The following ADAM32 variants were observed in gnomAD, a reference collection of about 807,000 sequenced individuals.
The protein encoded by ADAM32 is disintegrin and metalloproteinase domain-containing protein 32.
ADAM32 carries 89 observed loss-of-function variants against 114.9 expected under a neutral mutation model. The observed-to-expected ratio is 0.77, with a 90% CI of 0.65 to 0.92. The LOEUF is 0.92. Ranked by LOEUF, ADAM32 falls within the 40% of genes least tolerant of loss-of-function variation. ADAM32 has a pLI of 0.00. For missense variants in ADAM32, 870 were observed against 932.8 expected, an observed-to-expected ratio of 0.93 and a Z score of 0.88; for synonymous variants, 285 against 307.5, an observed-to-expected ratio of 0.93 and a Z score of 0.77.
At chr8:39,234,665 G>A (rs961700364) in intron 16 of ADAM32, among the ~76,000 whole-genome samples, 3 of 152,152 alleles carry the variant, frequency 2.0e-5, no homozygotes, top group Admixed American at 6.5e-5. Context: ...ATACAGTTTG[G>A]CTATTATTGC....
At chr8:39,111,784 TG>T (rs1840173309) in intron 1 of ADAM32, among the ~76,000 whole-genome samples, 1 of 148,494 alleles carries the variant, frequency 6.7e-6, no homozygotes, top group African/African-American at 2.5e-5. Flanking sequence ...TGACATCCGA[TG>T]GAGTGGCAGT....
At chr8:39,165,822 C>T (rs1173659747) in intron 9 of ADAM32, 4 of 152,016 alleles carry the variant, frequency 2.6e-5, no homozygotes, top group Admixed American at 2.6e-4. Flanking sequence ...TCTCTGCCAG[C>T]CATAAATGTT....
At position 39,110,357 on chromosome 8, in the gene ADAM32, C is replaced by T. The variant is rs770324938; in HGVS notation, c.58+2524C>T. 5.7e-4 allele frequency among the ~76,000 whole-genome samples: 86 copies of T among 152,202 alleles called. 1 individual carries two copies. Among genetic ancestry groups the T allele is most frequent in the Non-Finnish European group, 6.3e-4 (43 of 68,044 alleles). On this transcript the variant is annotated intron_variant, in intron 1 of 24. Coordinates refer to ENST00000379907, the MANE Select transcript of ADAM32 (RefSeq NM_145004.7). ...AAGTGCTAGGATTACAGGCATGAGC[C>T]GCTGCACCCGGCCGCTTTTTTATTT... is the stretch of plus-strand genomic sequence containing the variant.
chr8:39,268,863 C>A (rs1262868087), intron 19 of ADAM32, among the ~76,000 whole-genome samples: 1 of 152,152 alleles, frequency 6.6e-6, no homozygotes, highest in Non-Finnish European at 1.5e-5. Context: ...AGAATAGTCA[C>A]CCATAAAAAG....
chr8:39,152,121 C>G, intron 6 of ADAM32, among the ~76,000 whole-genome samples: 1 of 152,052 alleles, frequency 6.6e-6, no homozygotes, highest in East Asian at 1.9e-4. Context: ...TGCTTTTGCT[C>G]CTACATTCCT....
chr8:39,254,370 A>G (rs1222279586), intron 17 of ADAM32, 44 bp from the exon 18 acceptor site: 7 of 1,454,452 alleles, frequency 4.8e-6, no homozygotes, highest in Non-Finnish European at 4.7e-6. Flanking sequence ...CTTCTCTGAG[A>G]AAATATTTTA....
chr8:39,271,999 G>T (rs909359421), intron 20 of ADAM32, among the ~76,000 whole-genome samples: 2 of 151,414 alleles, frequency 1.3e-5, no homozygotes. Context: ...AGGCATGGTG[G>T]CATGAGCCTG....
intron 16 of ADAM32, among the ~76,000 whole-genome samples, chr8:39,235,852 T>C (rs941097432): frequency 2.0e-5 from 3 of 151,956 alleles, no homozygotes; most frequent in Admixed American, 1.3e-4. Flanking sequence ...TTTAAAAGGG[T>C]TAGATTGTTT....
intron 17 of ADAM32, among the ~76,000 whole-genome samples, chr8:39,252,032 A>G (rs778931792): frequency 6.6e-6 from 1 of 151,726 alleles, no homozygotes; most frequent in Non-Finnish European, 1.5e-5. Flanking sequence ...GTGTAAATGC[A>G]TGTATTTGTA....
At chr8:39,153,953 C>T (rs936281889) in intron 6 of ADAM32, among the ~76,000 whole-genome samples, 1 of 151,014 alleles carries the variant, frequency 6.6e-6, no homozygotes, top group Non-Finnish European at 1.5e-5. Context: ...AGCTCTGGAT[C>T]CCCACAGATA....
intron 4 of ADAM32, 61 bp from the exon 5 acceptor site, chr8:39,149,730 G>A (rs547149090): frequency 4.4e-4 from 523 of 1,193,572 alleles, no homozygotes; most frequent in Non-Finnish European, 5.6e-4. Flanking sequence ...TATAGAAGTA[G>A]GAAATCACTA....
intron 7 of ADAM32, among the ~76,000 whole-genome samples, chr8:39,161,246 T>G (rs1456973490): frequency 6.6e-6 from 1 of 152,238 alleles, no homozygotes; most frequent in Non-Finnish European, 1.5e-5. Flanking sequence ...CATACTACCA[T>G]TTAATGGTGA....
At chr8:39,218,391 G>A (rs1271395287) in intron 12 of ADAM32, among the ~76,000 whole-genome samples, 1 of 152,058 alleles carries the variant, frequency 6.6e-6, no homozygotes, top group African/African-American at 2.4e-5. Flanking sequence ...TTCACTCAAG[G>A]CCCTGGAGCT....
At chr8:39,214,639 G>A (rs1171314074) in intron 12 of ADAM32, among the ~76,000 whole-genome samples, 1 of 152,108 alleles carries the variant, frequency 6.6e-6, no homozygotes, top group Non-Finnish European at 1.5e-5. Context: ...TCTGTGGGTT[G>A]TGTCTTCACT....
intron 9 of ADAM32, chr8:39,166,662 A>G (rs1804856695): frequency 6.6e-6 from 1 of 152,234 alleles, no homozygotes; most frequent in Non-Finnish European, 1.5e-5. Flanking sequence ...CCAGCAGTGT[A>G]GAAATGTTCC....
At chr8:39,131,437 G>A (rs367785576) in intron 2 of ADAM32, among the ~76,000 whole-genome samples, 3 of 152,200 alleles carry the variant, frequency 2.0e-5, no homozygotes, top group East Asian at 1.9e-4. Flanking sequence ...CCTGCAGTGA[G>A]CTGAGATTGT....
intron 20 of ADAM32, among the ~76,000 whole-genome samples, chr8:39,272,575 T>C (rs1488552042): frequency 6.6e-6 from 1 of 152,166 alleles, no homozygotes; most frequent in Non-Finnish European, 1.5e-5. Context: ...GAAAAGCTAC[T>C]GTAAAAATAA....
At chr8:39,230,135 T>C (rs541097892) in intron 14 of ADAM32, among the ~76,000 whole-genome samples, 1 of 152,306 alleles carries the variant, frequency 6.6e-6, no homozygotes, top group South Asian at 2.1e-4. Context: ...AAGCATTCGA[T>C]AATAGGGTAC....
At chr8:39,171,360 T>G (rs753775992) in intron 10 of ADAM32, among the ~76,000 whole-genome samples, 1 of 152,220 alleles carries the variant, frequency 6.6e-6, no homozygotes, top group Non-Finnish European at 1.5e-5. Context: ...AAATGGTATA[T>G]GTTTGAGGTT....
Sources: allele counts gnomAD v4.1 joint callset (sites outside exome capture counted in the v4.1 genomes callset), GRCh38; gene constraint gnomAD v4.1.1; transcripts MANE v1.5; gene names NCBI Gene and HGNC (gene_info 2026-07-23, HGNC 2026-07-21).